AASDH: variants seen among roughly 807,000 people sequenced by gnomAD.
AASDH encodes the protein aminoadipate-semialdehyde dehydrogenase.
A neutral mutation model predicts 102.3 loss-of-function variants in AASDH; 81 were observed. The observed-to-expected ratio is 0.79, with a 90% CI of 0.66 to 0.95. The LOEUF (loss-of-function observed/expected upper bound fraction) is 0.95. AASDH is among the 40% of genes least tolerant of loss of function. The pLI is 0.00. For missense variants in AASDH, 1,203 were observed against 1,266.2 expected (o/e 0.95, Z 0.76); for synonymous variants, 398 against 454.0 (o/e 0.88, Z 1.57).
chr4:56,371,429 G>T (rs754437165), intron 5 of AASDH, 22 bp downstream of exon 5: 2 of 1,571,280 alleles, frequency 1.3e-6, no homozygotes, highest in Non-Finnish European at 1.7e-6. Context: ...TAAACAAAAC[G>T]TTCATTGCTA....
At position 56,349,881 on chromosome 4, in the gene AASDH, T is replaced by G. The variant is rs1217148440; in HGVS notation, c.1870A>C (p.Asn624His). The change falls in exon 11 of 15, where the codon AAT becomes CAT. Residue 624 changes from asparagine to histidine, a missense_variant. Physicochemically the swap from Asn to His is moderately conservative, Grantham distance 68 (BLOSUM62 1). Transcript: ENST00000205214. ...GGAACCACTGTTTGAAGGATGTGAT[T>G]ATAAATCTCTAAAATGGAACTGCTG... is the stretch of plus-strand genomic sequence containing the variant. ...ILSSSILEIY[N>H]HILQTVVPDE... 6.2e-7 allele frequency: 1 copy of G among 1,614,170 alleles called. No homozygotes were observed. The highest frequency in any genetic ancestry group is 8.5e-7 in the Non-Finnish European group (1 of 1,180,038).
At chr4:56,363,751 A>G (rs1750626436) in intron 5 of AASDH, among the ~76,000 whole-genome samples, 1 of 152,190 alleles carries the variant, frequency 6.6e-6, no homozygotes, top group African/African-American at 2.4e-5. Context: ...CCAAAGGTAG[A>G]TAAAACCACA....
At chr4:56,340,181 TAAAG>T (rs1747493423) in intron 14 of AASDH, among the ~76,000 whole-genome samples, 2 of 151,784 alleles carry the variant, frequency 1.3e-5, no homozygotes, top group South Asian at 4.2e-4. Flanking sequence ...AAAATAAAAT[TAAAG>T]AAAATAAAAT....
At position 56,354,079 on chromosome 4, in the gene AASDH, T is replaced by C; in HGVS notation, c.1343A>G (p.Lys448Arg). 1.2e-6 allele frequency: 2 copies of C among 1,613,204 alleles called. No homozygotes were observed. The highest frequency in any genetic ancestry group is 8.5e-7 in the Non-Finnish European group (1 of 1,179,456). The change falls in exon 8 of 15, where the codon AAA (lysine) becomes AGA (arginine). Residue 448 changes from lysine (K) to arginine (R), a missense_variant. Physicochemically the swap from Lys to Arg is conservative, Grantham distance 26. Transcript: ENST00000205214. ...FFLGRKDSQI[K>R]RHGKRLNIEL... is the part of the protein sequence containing the mutation. ...AATGTTAAGACGTTTGCCATGACGTTTGATCTGACTGTCTTTTCGTCCCAA... is the reference window on the plus strand; with the variant it reads ...AATGTTAAGACGTTTGCCATGACGTCTGATCTGACTGTCTTTTCGTCCCAA...
intron 5 of AASDH, among the ~76,000 whole-genome samples, chr4:56,369,254 T>A (rs1751408936): frequency 6.6e-6 from 1 of 152,178 alleles, no homozygotes; most frequent in Admixed American, 6.5e-5. Flanking sequence ...TTTAAAGAGG[T>A]AGAATTCATT....
chr4:56,341,389 C>CTTTTTTTTTT (rs575687659), intron 14 of AASDH, among the ~76,000 whole-genome samples: 5,611 of 92,244 alleles, frequency 0.061, 626 homozygotes, highest in Non-Finnish European at 0.07. Context: ...AGACTTTTAT[C>CTTTTTTTTTT]TTTTTTTTTT....
At chr4:56,382,669 C>T in intron 2 of AASDH, 72 bp from the exon 3 acceptor site, 1 of 1,500,538 alleles carries the variant, frequency 6.7e-7, no homozygotes, top group Non-Finnish European at 9.0e-7. Context: ...TTCTATTTCT[C>T]TATGCACTTT....
At chr4:56,364,709 T>C (rs147140398) in intron 5 of AASDH, among the ~76,000 whole-genome samples, 4,030 of 152,244 alleles carry the variant, frequency 0.026, 159 homozygotes, top group East Asian at 0.2. Flanking sequence ...AAAAGAGCTC[T>C]TGAAGGAATC....
intron 5 of AASDH, chr4:56,356,170 T>G: frequency 1.4e-6 from 1 of 706,356 alleles, no homozygotes; most frequent in Non-Finnish European, 2.6e-6. Context: ...AGAAGGTGGC[T>G]CTGGCCCCTG....
chr4:56,384,337 GA>G lies in AASDH; in HGVS notation c.-39del, dbSNP rs1753307513. ...TATCTAAACATCAATTTGTAGCACA[GA>G]ACCCTGTGTATATACAGAAGTGTTA... On this transcript the variant is annotated 5_prime_UTR_variant, in exon 2 of 15. Coordinates refer to ENST00000205214, the MANE Select transcript of AASDH (RefSeq NM_181806.4). 6.3e-7 allele frequency: 1 copy of G among 1,587,858 alleles called. No individual in the cohort carries two copies. Among genetic ancestry groups the G allele is most frequent in the East Asian group, 2.2e-5 (1 of 44,722 alleles).
chr4:56,363,061 A>T (rs1490645603), intron 5 of AASDH, among the ~76,000 whole-genome samples: 1 of 152,242 alleles, frequency 6.6e-6, no homozygotes, highest in African/African-American at 2.4e-5. Flanking sequence ...AACAAACGGC[A>T]CACCAGGAGA....
chr4:56,383,244 A>C (rs1386991228), intron 2 of AASDH, among the ~76,000 whole-genome samples: 2 of 152,100 alleles, frequency 1.3e-5, no homozygotes, highest in African/African-American at 4.8e-5. Flanking sequence ...ATTCTCAATA[A>C]ATTTCGTCAA....
At chr4:56,345,061 C>A in intron 12 of AASDH, 66 bp downstream of exon 12, 1 of 1,553,192 alleles carries the variant, frequency 6.4e-7, no homozygotes, top group Non-Finnish European at 8.8e-7. Flanking sequence ...CCCACCTCAG[C>A]CTCTGGAGTA....
At chr4:56,375,832 T>G (rs11930159) in intron 4 of AASDH, among the ~76,000 whole-genome samples, 67,689 of 151,806 alleles carry the variant, frequency 0.45, 15,451 homozygotes, top group Non-Finnish European at 0.49. Context: ...TATCCTAATC[T>G]TTTTGAGGCT....
intron 5 of AASDH, chr4:56,356,876 G>T: frequency 1.0e-6 from 1 of 959,656 alleles, no homozygotes; most frequent in East Asian, 2.6e-5. Context: ...TCTGTGGCTC[G>T]CATCGCCAAG....
intron 5 of AASDH, among the ~76,000 whole-genome samples, chr4:56,367,140 C>T (rs943421502): frequency 2.9e-4 from 44 of 152,038 alleles, no homozygotes; most frequent in Non-Finnish European, 3.2e-4. Flanking sequence ...GAATAAAATA[C>T]CTAAGAATCC....
At chr4:56,356,407 C>T in intron 5 of AASDH, 1 of 1,592,058 alleles carries the variant, frequency 6.3e-7, no homozygotes, top group Non-Finnish European at 8.5e-7. Context: ...CGCCAAACAG[C>T]TACTCAGCTG....
In AASDH at chr4:56,378,195, A is replaced by C; in HGVS notation, c.621T>G (p.Ile207Met). The change falls in exon 4 of 15, where the codon ATT (isoleucine) becomes ATG (methionine). Residue 207 changes from isoleucine to methionine, a missense_variant. By Grantham distance (10) the Ile-to-Met change is conservative. Coordinates refer to ENST00000205214, the MANE Select transcript of AASDH (RefSeq NM_181806.4). ...CTATACACTTATGAGGCACTCTGAC[A>C]ATCTTCGGTATCCCTGTAGTCCCTG... ...HTSGTTGIPK[I>M]VRVPHKCIVP... is the part of the protein sequence containing the mutation. 1 of 1,613,308 alleles carries C rather than the reference A, an allele frequency of 6.2e-7. No homozygotes were observed. The highest frequency in any genetic ancestry group is 8.5e-7 in the Non-Finnish European group (1 of 1,179,762).
At chr4:56,343,453 TG>T in intron 13 of AASDH, 108 bp downstream of exon 13, 1 of 753,450 alleles carries the variant, frequency 1.3e-6, no homozygotes, top group Non-Finnish European at 2.1e-6. Flanking sequence ...TTGGTGTATG[TG>T]GACTACTACA....
Sources: gnomAD v4.1 joint callset for allele counts (sites outside exome capture counted in the v4.1 genomes callset) on GRCh38, gnomAD v4.1.1 for gene constraint, MANE v1.5 for transcripts, NCBI Gene and HGNC (gene_info 2026-07-23, HGNC 2026-07-21) for gene names.